The following TAFA2 variants were observed in gnomAD, a reference collection of about 807,000 sequenced individuals.
TAFA2 encodes the protein TAFA chemokine like family member 2, also known as chemokine-like protein TAFA-2.
TAFA2 carries 7 observed loss-of-function variants against 18.8 expected under a neutral mutation model. The observed-to-expected ratio is 0.37, with a 90% CI of 0.21 to 0.70. The LOEUF (loss-of-function observed/expected upper bound fraction) is 0.70, where lower values mean the gene tolerates loss of function less well. Among genes scored for constraint, TAFA2 ranks in the 30% least tolerant of loss-of-function variants. The probability of loss-of-function intolerance (pLI) is 0.53; values close to 1 mark genes in which losing one functional copy is unlikely to be tolerated. For synonymous variants in TAFA2, 60 were observed against 54.2 expected (o/e 1.11, Z -0.47); for missense variants, 122 against 158.1 (o/e 0.77, Z 1.23).
At chr12:61,901,096 C>A (rs1054797278) in intron 1 of TAFA2, among the ~76,000 whole-genome samples, 1 of 152,108 alleles carries the variant, frequency 6.6e-6, no homozygotes, top group Non-Finnish European at 1.5e-5. Flanking sequence ...TTTCCATGAA[C>A]TTTACCAAAT....
chr12:61,990,092 A>G (rs1336273564), intron 1 of TAFA2, among the ~76,000 whole-genome samples: 1 of 152,202 alleles, frequency 6.6e-6, no homozygotes, highest in Non-Finnish European at 1.5e-5. Flanking sequence ...AAAGAATTCC[A>G]TCTCACCACT....
chr12:61,925,445 CACA>C (rs577699689), intron 1 of TAFA2, among the ~76,000 whole-genome samples: 3 of 152,290 alleles, frequency 2.0e-5, no homozygotes, highest in Non-Finnish European at 4.4e-5. Flanking sequence ...TTCAAAACTG[CACA>C]ACTACTTGGA....
chr12:62,234,620 A>C (rs2062827279), intron 1 of TAFA2: 3 of 825,312 alleles, frequency 3.6e-6, no homozygotes. Flanking sequence ...AGGGCCTCTC[A>C]CCCATGTGCT....
chr12:61,754,763 G>A (rs1869183121), intron 3 of TAFA2, 109 bp downstream of exon 3: 16 of 1,057,654 alleles, frequency 1.5e-5, no homozygotes, highest in East Asian at 2.5e-5. Context: ...CATGGTATTT[G>A]TAGTATGTTC....
At chr12:61,955,135 TA>T (rs1592511404) in intron 1 of TAFA2, among the ~76,000 whole-genome samples, 1 of 152,262 alleles carries the variant, frequency 6.6e-6, no homozygotes, top group East Asian at 1.9e-4. Context: ...GTTAGAGTAA[TA>T]AAATAGTATC....
At chr12:61,872,580 A>T (rs183673650) in intron 1 of TAFA2, among the ~76,000 whole-genome samples, 20 of 152,252 alleles carry the variant, frequency 1.3e-4, no homozygotes, top group African/African-American at 4.6e-4. Context: ...TTAGAATAAA[A>T]TATAAATCTC....
At chr12:61,955,612 AAAAAAAAAAAAAAAAAAAAAATATATAT>A (rs1878629810) in intron 1 of TAFA2, among the ~76,000 whole-genome samples, 1 of 34,554 alleles carries the variant, frequency 2.9e-5, no homozygotes, top group African/African-American at 1.1e-4. Context: ...AAAAAAAAAA[AAAAAAAAAAAAAAAAAAAAAATATATAT>A]ATATATATAT....
chr12:61,800,892 G>A (rs948944549), intron 2 of TAFA2, among the ~76,000 whole-genome samples: 4 of 152,126 alleles, frequency 2.6e-5, no homozygotes, highest in African/African-American at 4.8e-5. Flanking sequence ...ATCAAAAATA[G>A]TCTCCACATG....
At chr12:62,026,965 C>T (rs1018989524) in intron 1 of TAFA2, among the ~76,000 whole-genome samples, 5 of 151,942 alleles carry the variant, frequency 3.3e-5, no homozygotes, top group African/African-American at 7.3e-5. Flanking sequence ...ATCAACAGCT[C>T]GAAGACGTAT....
intron 2 of TAFA2, among the ~76,000 whole-genome samples, chr12:61,755,426 T>C (rs1365667209): frequency 6.6e-6 from 1 of 152,038 alleles, no homozygotes; most frequent in Non-Finnish European, 1.5e-5. Flanking sequence ...ATTCTCAAAG[T>C]GGGTGGTTGC....
intron 4 of TAFA2, among the ~76,000 whole-genome samples, chr12:61,742,479 C>A (rs1868501532): frequency 6.6e-6 from 1 of 152,096 alleles, no homozygotes; most frequent in Non-Finnish European, 1.5e-5. Flanking sequence ...TCTGCATTCC[C>A]CCAGACTCTG....
At chr12:61,828,426 C>T (rs942809140) in intron 2 of TAFA2, among the ~76,000 whole-genome samples, 3 of 151,794 alleles carry the variant, frequency 2.0e-5, no homozygotes, top group African/African-American at 7.2e-5. Flanking sequence ...TAATTGTTGC[C>T]TCAACACATG....
chr12:62,196,969 C>A (rs1279311593), upstream of TAFA2, among the ~76,000 whole-genome samples: 1 of 152,234 alleles, frequency 6.6e-6, no homozygotes, highest in Non-Finnish European at 1.5e-5. Context: ...GTAACCCAGC[C>A]TCACAGCAGG....
chr12:62,020,061 G>T (rs1350036376), intron 1 of TAFA2, among the ~76,000 whole-genome samples: 2 of 152,052 alleles, frequency 1.3e-5, no homozygotes, highest in African/African-American at 4.8e-5. Context: ...CATCATTATA[G>T]ATTAAACTGA....
intron 2 of TAFA2, among the ~76,000 whole-genome samples, chr12:61,832,169 A>T (rs1225583173): frequency 6.6e-6 from 1 of 151,858 alleles, no homozygotes; most frequent in Non-Finnish European, 1.5e-5. Context: ...GCCCTTAGTA[A>T]CTCACTTGTA....
intron 4 of TAFA2, among the ~76,000 whole-genome samples, chr12:61,723,036 CT>C (rs1232056775): frequency 6.6e-6 from 1 of 152,152 alleles, no homozygotes; most frequent in African/African-American, 2.4e-5. Flanking sequence ...GCATGCACCA[CT>C]CTAGTCATGC....
intron 1 of TAFA2, among the ~76,000 whole-genome samples, chr12:62,075,219 T>G (rs1882731239): frequency 1.3e-5 from 2 of 152,218 alleles, no homozygotes; most frequent in Admixed American, 1.3e-4. Flanking sequence ...ATGTAAATAA[T>G]TTAATGTACT....
chr12:62,084,345 T>C (rs535226466), intron 1 of TAFA2, among the ~76,000 whole-genome samples: 1 of 152,312 alleles, frequency 6.6e-6, no homozygotes, highest in East Asian at 1.9e-4. Context: ...CTCCATTTAC[T>C]CTTCTCTAAT....
intron 1 of TAFA2, among the ~76,000 whole-genome samples, chr12:62,049,070 C>T (rs1401460635): frequency 6.6e-6 from 1 of 152,076 alleles, no homozygotes; most frequent in Non-Finnish European, 1.5e-5. Flanking sequence ...TGAAAGAATA[C>T]TTTGATAAGT....
Sources: allele counts gnomAD v4.1 joint callset (sites outside exome capture counted in the v4.1 genomes callset), GRCh38; gene constraint gnomAD v4.1.1; transcripts MANE v1.5; gene names NCBI Gene and HGNC (gene_info 2026-07-23, HGNC 2026-07-21).